The following MED27 variants were observed in gnomAD, a reference collection of about 807,000 sequenced individuals.
MED27 encodes mediator of RNA polymerase II transcription subunit 27.
In MED27, 30 loss-of-function variants were observed where a neutral mutation model predicts 38.2. The observed-to-expected ratio is 0.79, with a 90% confidence interval of 0.59 to 1.07. The LOEUF is 1.07. MED27 is among the 50% of genes least tolerant of loss of function. The pLI is 0.00. For missense variants in MED27, 289 were observed against 397.5 expected, an observed-to-expected ratio of 0.73 and a Z score of 2.32; for synonymous variants, 122 against 153.5, an observed-to-expected ratio of 0.79 and a Z score of 1.52.
At chr9:132,040,243 C>G (rs1833177907) in intron 2 of MED27, among the ~76,000 whole-genome samples, 1 of 152,212 alleles carries the variant, frequency 6.6e-6, no homozygotes. Flanking sequence ...TCAGTCTCTT[C>G]CCTGCGGCGG....
At chr9:132,046,356 CA>C (rs1833337270) in intron 2 of MED27, among the ~76,000 whole-genome samples, 1 of 151,664 alleles carries the variant, frequency 6.6e-6, no homozygotes, top group Non-Finnish European at 1.5e-5. Context: ...TGAAACAGGC[CA>C]ACTAATATTG....
intron 2 of MED27, among the ~76,000 whole-genome samples, chr9:132,055,672 T>C (rs569923701): frequency 1.7e-4 from 26 of 152,316 alleles, no homozygotes; most frequent in African/African-American, 5.8e-4. Context: ...AGGTAAAGCA[T>C]CTGGACTAAT....
At chr9:131,985,423 G>A (rs1375177746) in intron 3 of MED27, among the ~76,000 whole-genome samples, 1 of 152,184 alleles carries the variant, frequency 6.6e-6, no homozygotes, top group East Asian at 1.9e-4. Flanking sequence ...ACAGTCAAGT[G>A]TCGCATAACA....
rs992704990 is a variant in MED27, at chr9:131,989,235, C to T, written c.479+25102G>A. On this transcript the variant is annotated intron_variant, in intron 3 of 7. Transcript: ENST00000292035. Reference sequence around the variant, plus strand: ...GTGGCTGGTGAATGCTAGAAAAGAACGCTTTTATTTATAACACTTTGAAAG... The same window carrying T: ...GTGGCTGGTGAATGCTAGAAAAGAATGCTTTTATTTATAACACTTTGAAAG... Among the ~76,000 whole-genome samples, 6 of 152,132 alleles carry T rather than the reference C, an allele frequency of 3.9e-5. No homozygotes were observed. In the East Asian group the frequency reaches 7.7e-4, roughly 19 times the overall value.
At chr9:132,013,603 C>T (rs902739748) in intron 3 of MED27, among the ~76,000 whole-genome samples, 21 of 152,058 alleles carry the variant, frequency 1.4e-4, no homozygotes, top group Non-Finnish European at 2.2e-4. Flanking sequence ...TAAATGTGAA[C>T]GAATGAACCT....
intron 3 of MED27, among the ~76,000 whole-genome samples, chr9:131,947,687 A>C (rs1564294637): frequency 6.6e-6 from 1 of 152,120 alleles, no homozygotes; most frequent in African/African-American, 2.4e-5. Flanking sequence ...AAAGAAAAAA[A>C]AAACACACAC....
intron 2 of MED27, among the ~76,000 whole-genome samples, chr9:132,020,041 T>C (rs573385800): frequency 1.3e-5 from 2 of 152,322 alleles, no homozygotes; most frequent in South Asian, 2.1e-4. Flanking sequence ...TTAAATACTT[T>C]AGAGAAAAGA....
intron 2 of MED27, among the ~76,000 whole-genome samples, chr9:132,075,792 C>T (rs971741870): frequency 4.6e-5 from 7 of 152,212 alleles, no homozygotes. Context: ...GCTTCCTTTT[C>T]CAAACACCTA....
chr9:131,974,299 G>C (rs1036025060), intron 3 of MED27, among the ~76,000 whole-genome samples: 4 of 152,226 alleles, frequency 2.6e-5, no homozygotes, highest in African/African-American at 4.8e-5. Flanking sequence ...GTTTAAGTTA[G>C]TCAGTTGCAG....
At chr9:131,961,091 G>T (rs576982081) in intron 3 of MED27, among the ~76,000 whole-genome samples, 2 of 152,330 alleles carry the variant, frequency 1.3e-5, no homozygotes, top group Non-Finnish European at 2.9e-5. Context: ...CATTAGAGAG[G>T]TCTCTGCTGA....
chr9:131,971,498 A>G (rs116946224), intron 3 of MED27, among the ~76,000 whole-genome samples: 2,075 of 152,290 alleles, frequency 0.014, 16 homozygotes, highest in Middle Eastern at 0.034. Flanking sequence ...GGGGTTTAAC[A>G]ATTAGGGGCA....
At position 131,913,399 on chromosome 9, in the gene MED27, A is replaced by AT. The variant is rs956995491; in HGVS notation, c.574-19408dup. Among the ~76,000 whole-genome samples, 5 of 152,216 alleles carry AT rather than the reference A, an allele frequency of 3.3e-5. No individual in the cohort carries two copies. The highest frequency in any genetic ancestry group is 1.2e-4 in the African/African-American group (5 of 41,458). On this transcript the variant is annotated intron_variant, in intron 4 of 7. Coordinates refer to ENST00000292035, the MANE Select transcript of MED27 (RefSeq NM_004269.4). This position sits in a 1 kb window ranked among gnomAD's most constrained non-coding sequence, Gnocchi z 4.5. ...CAGTGTTCTCATCTATAAAACAGTG[A>AT]TAACATCTTCGGCTGACGGGTGAGT...
intron 6 of MED27, among the ~76,000 whole-genome samples, chr9:131,873,780 C>T (rs994356505): frequency 2.5e-4 from 38 of 152,222 alleles, no homozygotes; most frequent in Non-Finnish European, 1.3e-4. Context: ...CTTTAGAGAT[C>T]AAGCTCTGTG....
intron 4 of MED27, among the ~76,000 whole-genome samples, chr9:131,914,973 C>G (rs189289499): frequency 6.6e-6 from 1 of 152,288 alleles, no homozygotes; most frequent in Non-Finnish European, 1.5e-5. Context: ...GAATCTCAAG[C>G]AGCAAATGTG....
chr9:132,070,278 G>A (rs954328820), intron 2 of MED27, among the ~76,000 whole-genome samples: 4 of 152,196 alleles, frequency 2.6e-5, no homozygotes, highest in African/African-American at 9.7e-5. Flanking sequence ...AGGGCTTGCC[G>A]AGCATGGTGG....
intron 5 of MED27, 24 bp downstream of exon 5, chr9:131,893,859 AAC>A (rs772957155): frequency 1.3e-6 from 2 of 1,550,022 alleles, no homozygotes; most frequent in Non-Finnish European, 1.8e-6. Flanking sequence ...AAAACCAAGG[AAC>A]ACACAAGACT....
At position 131,939,398 on chromosome 9, in the gene MED27, T is replaced by C. The variant is rs1488620018; in HGVS notation, c.556A>G (p.Thr186Ala). The C allele has an allele frequency of 6.2e-7, 1 of 1,609,586 alleles. No homozygotes were observed. The highest frequency in any genetic ancestry group is 2.2e-5 in the East Asian group (1 of 44,764). The change falls in exon 4 of 8, where the codon ACA (threonine) becomes GCA (alanine). Residue 186 changes from threonine (T) to alanine (A), a missense_variant. Physicochemically the swap from Thr to Ala is moderately conservative, Grantham distance 58. Coordinates refer to ENST00000292035, the MANE Select transcript of MED27 (RefSeq NM_004269.4). The stretch of plus-strand genomic sequence containing the variant: ...GATCTTACCAGAAGCATTGCTGATG[T>C]TCCATTGGGTCTGGATAAGTGGATG... The part of the protein sequence containing the change: ...MSIHLSRPNG[T>A]SAMLLVTLGK...
At chr9:131,954,812 A>G (rs1003625332) in intron 3 of MED27, among the ~76,000 whole-genome samples, 16 of 152,124 alleles carry the variant, frequency 1.1e-4, no homozygotes, top group Non-Finnish European at 2.9e-5. Context: ...AATTATTATT[A>G]TTTTTTTAAA....
intron 4 of MED27, among the ~76,000 whole-genome samples, chr9:131,931,938 C>CAGA (rs1830595859): frequency 1.3e-5 from 2 of 152,094 alleles, no homozygotes; most frequent in South Asian, 4.1e-4. Flanking sequence ...GACAGATCTT[C>CAGA]CAGACAGAAA....
Sources: gnomAD v4.1 joint callset for allele counts (sites outside exome capture counted in the v4.1 genomes callset) on GRCh38, gnomAD v4.1.1 for gene constraint, Gnocchi (gnomAD v3.1) non-coding constraint, MANE v1.5 for transcripts, NCBI Gene and HGNC (gene_info 2026-07-23, HGNC 2026-07-21) for gene names.